The following LGR4 variants were observed in gnomAD, a reference collection of about 807,000 sequenced individuals.
The protein encoded by LGR4 is leucine rich repeat containing G protein-coupled receptor 4.
A neutral mutation model predicts 84.8 loss-of-function variants in LGR4; 44 were observed. The observed-to-expected ratio is 0.52, with a 90% confidence interval of 0.41 to 0.67. LGR4 has a LOEUF of 0.67. Ranked by LOEUF, LGR4 falls within the 30% of genes least tolerant of loss-of-function variation. LGR4 has a pLI of 0.00. For synonymous variants in LGR4, 429 were observed against 434.3 expected (o/e 0.99, Z 0.15); for missense variants, 1,032 against 1,131.4 (o/e 0.91, Z 1.26).
chr11:27,454,070 C>T (rs1864530945), intron 1 of LGR4, among the ~76,000 whole-genome samples: 1 of 152,216 alleles, frequency 6.6e-6, no homozygotes, highest in Non-Finnish European at 1.5e-5. Context: ...CTTTGGTCTC[C>T]ACAATCCCTT....
intron 10 of LGR4, 142 bp from the exon 11 acceptor site, chr11:27,378,910 A>G (rs1863038381): frequency 1.6e-6 from 1 of 613,372 alleles, no homozygotes; most frequent in Non-Finnish European, 2.9e-6. Context: ...CCATAAAGTT[A>G]GACATGCAAG....
chr11:27,429,888 G>A (rs1864087028), intron 1 of LGR4, among the ~76,000 whole-genome samples: 2 of 152,134 alleles, frequency 1.3e-5, no homozygotes, highest in African/African-American at 4.8e-5. Context: ...TGAGAGACAG[G>A]AAGAGGGGGG....
At chr11:27,437,114 G>A (rs1864225202) in intron 1 of LGR4, among the ~76,000 whole-genome samples, 1 of 152,146 alleles carries the variant, frequency 6.6e-6, no homozygotes, top group African/African-American at 2.4e-5. Context: ...AAATTTGGGG[G>A]CCAGCAGGCT....
chr11:27,366,533 T>A lies in LGR4; in HGVS notation c.*1334A>T, dbSNP rs1288491541. ...AAACTGCAATCTAGCTGGATTTTTT[T>A]AGTATATTCAGAATAACTAATATGG... On this transcript the variant is annotated 3_prime_UTR_variant, in exon 18 of 18. Transcript: ENST00000379214. The A allele has an allele frequency of 6.6e-6, 1 of 152,592 alleles. No homozygotes were observed. The highest frequency in any genetic ancestry group is 1.5e-5 in the Non-Finnish European group (1 of 67,980). 9.5% of individuals were successfully genotyped at this position (152,592 alleles called of 1,614,324 possible). A position where few individuals can be genotyped will look rare whatever the true frequency, so the allele number is the denominator to read the frequency against.
At chr11:27,459,412 C>CG (rs1348551425) in intron 1 of LGR4, among the ~76,000 whole-genome samples, 2 of 151,802 alleles carry the variant, frequency 1.3e-5, no homozygotes, top group Admixed American at 6.6e-5. Context: ...GATGTCACAG[C>CG]GGGGGGTTTT....
intron 1 of LGR4, chr11:27,471,745 C>G (rs1183407947): frequency 6.1e-6 from 1 of 164,056 alleles, no homozygotes; most frequent in Non-Finnish European, 1.3e-5. Flanking sequence ...TGAGCGAGGG[C>G]CCTCATGAGA....
At position 27,418,891 on chromosome 11, in the gene LGR4, G is replaced by A. The variant is rs565879580; in HGVS notation, c.186-6031C>T. Among the ~76,000 whole-genome samples the A allele has an allele frequency of 2.8e-5, 4 of 145,310 alleles. No individual in the cohort carries two copies. The South Asian group carries it at 8.6e-4, about 31-fold the overall frequency. On this transcript the variant is annotated intron_variant, in intron 1 of 17. Coordinates refer to ENST00000379214, the MANE Select transcript of LGR4 (RefSeq NM_018490.5). ...CTTTGTTGCCCCAGGCTAGAATGCA[G>A]TGGCACAATCATGGCTCACTGCAGC...
rs750570548 is a variant in LGR4, at chr11:27,368,596, C to A, written c.2127G>T (p.Thr709=). The A allele has an allele frequency of 6.2e-7, 1 of 1,613,760 alleles. No individual in the cohort carries two copies. The highest frequency in any genetic ancestry group is 1.1e-5 in the South Asian group (1 of 91,042). The change falls in exon 18 of 18, where the codon ACG becomes ACT. Residue 709 remains threonine (T), a synonymous_variant. Coordinates refer to ENST00000379214, the MANE Select transcript of LGR4 (RefSeq NM_018490.5). ...GETPSLGFTV[T]LVLLNSLAFL... Reference sequence around the variant, plus strand: ...ATGCTAGTGAGTTTAATAGCACTAACGTTACAGTGAATCCTAATGATGGCG... The same window carrying A: ...ATGCTAGTGAGTTTAATAGCACTAAAGTTACAGTGAATCCTAATGATGGCG...
chr11:27,409,591 T>C (rs1056393822), intron 2 of LGR4, among the ~76,000 whole-genome samples: 3 of 152,100 alleles, frequency 2.0e-5, no homozygotes, highest in African/African-American at 7.2e-5. Context: ...AAATATCAAA[T>C]TAAACTCCTT....
chr11:27,378,622 C>G, intron 11 of LGR4, 75 bp downstream of exon 11: 1 of 1,041,788 alleles, frequency 9.6e-7, no homozygotes, highest in Non-Finnish European at 1.5e-6. Context: ...GAAAGTAGAT[C>G]CTTAAAATAA....
intron 1 of LGR4, among the ~76,000 whole-genome samples, chr11:27,469,519 C>A (rs545398365): frequency 1.3e-5 from 2 of 152,250 alleles, no homozygotes; most frequent in South Asian, 4.1e-4. Flanking sequence ...AAAATAAAAT[C>A]ACTGCCCTGT....
At position 27,422,664 on chromosome 11, in the gene LGR4, C is replaced by T. The variant is rs553334219; in HGVS notation, c.186-9804G>A. 2.6e-5 allele frequency among the ~76,000 whole-genome samples: 4 copies of T among 152,318 alleles called. No individual in the cohort carries two copies. The South Asian group carries it at 8.3e-4, about 32-fold the overall frequency. On this transcript the variant is annotated intron_variant, in intron 1 of 17. Coordinates refer to ENST00000379214, the MANE Select transcript of LGR4 (RefSeq NM_018490.5). ...CCATGAGTTCAAGGAATTGCCTACT[C>T]AAGTCAAATATTTCTTATTCCTCCA... is the stretch of plus-strand genomic sequence containing the variant.
intron 1 of LGR4, among the ~76,000 whole-genome samples, chr11:27,429,892 A>T (rs986641104): frequency 6.6e-5 from 10 of 152,082 alleles, no homozygotes; most frequent in Admixed American, 5.9e-4. Context: ...AGACAGGAAG[A>T]GGGGGGACCT....
At chr11:27,381,392 G>A (rs376028975) in intron 7 of LGR4, among the ~76,000 whole-genome samples, 1 of 152,140 alleles carries the variant, frequency 6.6e-6, no homozygotes, top group Non-Finnish European at 1.5e-5. Context: ...TGACAAACCC[G>A]ACGTCCAGAA....
chr11:27,368,475 C>A lies in LGR4; in HGVS notation c.2248G>T (p.Ala750Ser). 1.2e-6 allele frequency: 2 copies of A among 1,614,174 alleles called. No homozygotes were observed. Among genetic ancestry groups the A allele is most frequent in the Non-Finnish European group, 8.5e-7 (1 of 1,180,022 alleles). ...ATGCAATTGGTGAAGATTAGCCAAG[C>A]GACATGCTTAATCATGCTAGATTGT... ...NSQSSMIKHV[A>S]WLIFTNCIFF... The change falls in exon 18 of 18, where the codon GCT becomes TCT. Residue 750 changes from alanine to serine, a missense_variant. Ala to Ser is a moderately conservative substitution (Grantham distance 99). Transcript: ENST00000379214.
chr11:27,454,571 C>T (rs1037987160), intron 1 of LGR4, among the ~76,000 whole-genome samples: 1 of 152,034 alleles, frequency 6.6e-6, no homozygotes, highest in African/African-American at 2.4e-5. Context: ...ACCAGTCTGG[C>T]CAAGATGGTG....
intron 1 of LGR4, among the ~76,000 whole-genome samples, chr11:27,466,116 G>A (rs1437924979): frequency 6.6e-6 from 1 of 152,108 alleles, no homozygotes; most frequent in Non-Finnish European, 1.5e-5. Context: ...AATTAAAAGA[G>A]CAAAGGTGTC....
intron 4 of LGR4, among the ~76,000 whole-genome samples, chr11:27,387,374 T>A (rs1863206088): frequency 6.6e-6 from 1 of 151,972 alleles, no homozygotes; most frequent in Admixed American, 6.6e-5. Flanking sequence ...GGCACTGAGG[T>A]TAAAGACTGA....
chr11:27,426,936 A>C (rs1399163914), intron 1 of LGR4, among the ~76,000 whole-genome samples: 2 of 152,228 alleles, frequency 1.3e-5, no homozygotes, highest in African/African-American at 4.8e-5. Flanking sequence ...AATGGTGCTT[A>C]GACTATGAGG....
Sources: allele counts gnomAD v4.1 joint callset (sites outside exome capture counted in the v4.1 genomes callset), GRCh38; gene constraint gnomAD v4.1.1; transcripts MANE v1.5; gene names NCBI Gene and HGNC (gene_info 2026-07-23, HGNC 2026-07-21).